Variants in ESPNL observed in about 807,000 individuals in gnomAD.
ESPNL encodes the protein espin-like protein.
A neutral mutation model predicts 46.8 loss-of-function variants in ESPNL; 49 were observed. The ratio of observed to expected loss-of-function variants is 1.05; its 90% CI spans 0.83 to 1.33. The LOEUF (loss-of-function observed/expected upper bound fraction) is 1.33. Among genes scored for constraint, ESPNL ranks in the 40% most tolerant of loss-of-function variants. The probability of loss-of-function intolerance (pLI) is 0.00; values close to 1 mark genes in which losing one functional copy is unlikely to be tolerated. For missense variants in ESPNL, 1,540 were observed against 1,436.6 expected (o/e 1.07, Z -1.16); for synonymous variants, 664 against 662.1 (o/e 1.00, Z -0.04).
chr2:238,130,622 C>T lies in ESPNL; in HGVS notation c.1908C>T (p.Pro636=), dbSNP rs746046971. 28 of 1,563,012 alleles carry T rather than the reference C, an allele frequency of 1.8e-5. No homozygotes were observed. In the South Asian group the frequency reaches 3.3e-4, roughly 18 times the overall value. ...CCTGCAGGGAGGCCTCGGCCAGCCC[C>T]CCTCGGAGCGAGGCCCAGCGCCAGA... ...QDTCREASAS[P]PRSEAQRQIQ... is the part of the protein sequence containing the mutation. The change falls in exon 9 of 9, where the codon CCC becomes CCT. Residue 636 remains proline, a synonymous_variant. Transcript: ENST00000343063.
Position 238,114,995 on chromosome 2 carries a change from C to T in ESPNL, c.856-1908C>T, listed in dbSNP as rs993656857. Among the ~76,000 whole-genome samples the T allele has an allele frequency of 1.3e-5, 2 of 152,220 alleles. No individual in the cohort carries two copies. The highest frequency in any genetic ancestry group is 2.9e-5 in the Non-Finnish European group (2 of 68,040). On this transcript the variant is annotated intron_variant, in intron 4 of 8. Transcript: ENST00000343063. The surrounding 1 kb of genome is among the most constrained non-coding windows in gnomAD (Gnocchi z 5.0). ...AGTCTGCAGCTTAGAGGCGCAGGGT[C>T]ATCATCCTCAGGCAGTGACAAGCCC...
At chr2:238,117,823 A>G (rs569120037) in intron 5 of ESPNL, among the ~76,000 whole-genome samples, 2 of 152,294 alleles carry the variant, frequency 1.3e-5, no homozygotes, top group African/African-American at 4.8e-5. Flanking sequence ...GGAGGAATGA[A>G]TGGGGCAGGG....
chr2:238,120,964 G>C (rs576201647), intron 5 of ESPNL, among the ~76,000 whole-genome samples: 1 of 152,254 alleles, frequency 6.6e-6, no homozygotes, highest in Admixed American at 6.5e-5. Flanking sequence ...TGCATTCCAA[G>C]AGCAGCAGCA....
chr2:238,102,062 G>A lies in ESPNL; in HGVS notation c.416G>A (p.Arg139Gln), dbSNP rs747392295. The change falls in exon 2 of 9, where the codon CGG becomes CAG. Residue 139 changes from arginine (R) to glutamine (Q), a missense_variant. By Grantham distance (43) the Arg-to-Gln change is conservative. Coordinates refer to ENST00000343063, the MANE Select transcript of ESPNL (RefSeq NM_194312.4). ...ACGCTAGAGACCCGGGAGGGAGCCC[G>A]GCCGCTGCACCACGCTGCCGTCAGT... ...SATLETREGA[R>Q]PLHHAAVSGD... 17 of 1,593,066 alleles carry A rather than the reference G, an allele frequency of 1.1e-5. No individual in the cohort carries two copies. Among genetic ancestry groups the A allele is most frequent in the East Asian group, 4.6e-5 (2 of 43,800 alleles).
Position 238,130,660 on chromosome 2 carries a change from G to A in ESPNL, c.1946G>A (p.Gly649Glu). ...GCCCAGCGCCAGATCCAGGAGTGGGGGGTGTCTGTGCGGACGCTGCGGGGC... is the reference window on the plus strand; with the variant it reads ...GCCCAGCGCCAGATCCAGGAGTGGGAGGTGTCTGTGCGGACGCTGCGGGGC... Reference protein sequence around the residue: ...SEAQRQIQEWGVSVRTLRGNF... With the variant: ...SEAQRQIQEWEVSVRTLRGNF... The change falls in exon 9 of 9, where the codon GGG (glycine) becomes GAG (glutamate). Residue 649 changes from glycine to glutamate, a missense_variant. Coordinates refer to ENST00000343063, the MANE Select transcript of ESPNL (RefSeq NM_194312.4). 1 of 1,561,626 alleles carries A rather than the reference G, an allele frequency of 6.4e-7. No homozygotes were observed. Among genetic ancestry groups the A allele is most frequent in the East Asian group, 2.4e-5 (1 of 42,088 alleles).
At chr2:238,104,497 G>A (rs1202699498) in intron 2 of ESPNL, among the ~76,000 whole-genome samples, 159 bp from the exon 3 acceptor site, 1 of 152,238 alleles carries the variant, frequency 6.6e-6, no homozygotes, top group Non-Finnish European at 1.5e-5. Flanking sequence ...ACCTGGGGGA[G>A]CAACCTGGAG....
chr2:238,126,491 TTC>T (rs1232594841), intron 6 of ESPNL, among the ~76,000 whole-genome samples: 1 of 151,484 alleles, frequency 6.6e-6, no homozygotes, highest in East Asian at 1.9e-4. Flanking sequence ...TGTGTGTCTG[TTC>T]TGTCTGTTTC....
intron 5 of ESPNL, among the ~76,000 whole-genome samples, chr2:238,123,186 C>T (rs558735118): frequency 1.3e-5 from 2 of 152,332 alleles, no homozygotes; most frequent in South Asian, 2.1e-4. Flanking sequence ...GTCCCTCAGT[C>T]GCTCCCTGCA....
At chr2:238,105,962 T>A (rs1261292114) in intron 3 of ESPNL, among the ~76,000 whole-genome samples, 1 of 152,122 alleles carries the variant, frequency 6.6e-6, no homozygotes, top group Admixed American at 6.5e-5. Context: ...CACTGCACCC[T>A]GTGCCTGGCA....
chr2:238,129,447 G>T (rs548994493), intron 8 of ESPNL, among the ~76,000 whole-genome samples: 2 of 152,052 alleles, frequency 1.3e-5, no homozygotes, highest in Non-Finnish European at 2.9e-5. Context: ...CGGGCTGGCC[G>T]GGGGAGGAGC....
chr2:238,126,020 CTG>C (rs896184542), intron 6 of ESPNL, among the ~76,000 whole-genome samples: 10 of 121,138 alleles, frequency 8.3e-5, no homozygotes, highest in African/African-American at 3.6e-4. Flanking sequence ...TATGTTGTGT[CTG>C]TGTCTGTGTG....
chr2:238,127,414 C>T, intron 6 of ESPNL: 1 of 1,330,244 alleles, frequency 7.5e-7, no homozygotes, highest in Non-Finnish European at 9.6e-7. Context: ...GCTCTCCCAT[C>T]GACCAGGCGG....
chr2:238,101,553 G>T (rs1270925569), intron 1 of ESPNL, among the ~76,000 whole-genome samples: 1 of 152,218 alleles, frequency 6.6e-6, no homozygotes, highest in Non-Finnish European at 1.5e-5. Flanking sequence ...CCTGTGGCCA[G>T]CGGGAGGGCA....
chr2:238,127,252 AGT>A (rs1369922810), intron 6 of ESPNL: 2 of 635,300 alleles, frequency 3.1e-6, no homozygotes, highest in African/African-American at 3.9e-5. Context: ...TTGACCCTGA[AGT>A]GTGTGTTTTC....
At chr2:238,112,897 G>C (rs34040005) in intron 4 of ESPNL, among the ~76,000 whole-genome samples, 1 of 151,994 alleles carries the variant, frequency 6.6e-6, no homozygotes, top group Non-Finnish European at 1.5e-5. Flanking sequence ...TTATTGCCCC[G>C]TGTATGGTCA....
intron 3 of ESPNL, among the ~76,000 whole-genome samples, chr2:238,107,549 A>T (rs1472467081): frequency 1.3e-5 from 2 of 150,908 alleles, no homozygotes; most frequent in Non-Finnish European, 2.9e-5. Context: ...ATTTGGGACC[A>T]TGGTGTCTGC....
At chr2:238,101,802 C>T (rs1691484260) in intron 1 of ESPNL, 139 bp from the exon 2 acceptor site, 9 of 609,408 alleles carry the variant, frequency 1.5e-5, no homozygotes, top group Admixed American at 1.2e-4. Context: ...CAGGCAGAAA[C>T]GGAGGGAAGG....
Position 238,131,501 on chromosome 2 carries a change from C to T in ESPNL, c.2787C>T (p.Ser929=). ...ACATCAAAGCCCGCTTCTTTGGCTC[C>T]AGCCAGCGTCCCGCCTGGGATACGG... ...FEDIKARFFG[S]SQRPAWDTEP... is the part of the protein sequence containing the mutation. Residue 929 remains serine, a synonymous_variant, in exon 9 of 9, where the codon TCC becomes TCT. Transcript: ENST00000343063. 1 of 1,611,732 alleles carries T rather than the reference C, an allele frequency of 6.2e-7. No homozygotes were observed. Among genetic ancestry groups the T allele is most frequent in the Non-Finnish European group, 8.5e-7 (1 of 1,179,482 alleles).
At position 238,129,524 on chromosome 2, in the gene ESPNL, A is replaced by T. The variant is rs571369832; in HGVS notation, c.1414-604A>T. ...AGAGGAACCTGGCTGGGATTATTGCACCTCTGTGAGGCCGTGGGGAGCCAC... is the reference window on the plus strand; with the variant it reads ...AGAGGAACCTGGCTGGGATTATTGCTCCTCTGTGAGGCCGTGGGGAGCCAC... On this transcript the variant is annotated intron_variant, in intron 8 of 8. Transcript: ENST00000343063. Among the ~76,000 whole-genome samples, 8 of 152,188 alleles carry T rather than the reference A, an allele frequency of 5.3e-5. No individual in the cohort carries two copies. The East Asian group carries it at 1.5e-3, about 29-fold the overall frequency.
Sources: gnomAD v4.1 joint callset for allele counts (sites outside exome capture counted in the v4.1 genomes callset) on GRCh38, gnomAD v4.1.1 for gene constraint, Gnocchi (gnomAD v3.1) non-coding constraint, MANE v1.5 for transcripts, NCBI Gene and HGNC (gene_info 2026-07-23, HGNC 2026-07-21) for gene names.